The following FRK variants were observed in gnomAD, a reference collection of about 807,000 sequenced individuals.
FRK encodes the protein tyrosine-protein kinase FRK.
In FRK, 51 loss-of-function variants were observed where a neutral mutation model predicts 56.4. The observed-to-expected ratio is 0.90, with a 90% CI of 0.72 to 1.14. The LOEUF (loss-of-function observed/expected upper bound fraction) is 1.14, where lower values mean the gene tolerates loss of function less well. FRK is among the 50% of genes most tolerant of loss of function. The probability of loss-of-function intolerance (pLI) is 0.00; values close to 1 mark genes in which losing one functional copy is unlikely to be tolerated. For synonymous variants in FRK, 245 were observed against 217.9 expected (o/e 1.12, Z -1.10); for missense variants, 570 against 601.4 (o/e 0.95, Z 0.55).
the FRK span, among the ~76,000 whole-genome samples, chr6:116,083,279 G>A: frequency 4.6e-5 from 7 of 152,036 alleles, no homozygotes; most frequent in Admixed American, 3.3e-4. Flanking sequence ...GAATGGGAGC[G>A]AAAACAGATT....
At chr6:115,984,118 C>G (rs1774306101) in intron 2 of FRK, among the ~76,000 whole-genome samples, 1 of 152,104 alleles carries the variant, frequency 6.6e-6, no homozygotes, top group Non-Finnish European at 1.5e-5. Context: ...TGTAAGCGAG[C>G]AGAGTAGCTC....
intron 5 of FRK, 22 bp downstream of exon 5, chr6:115,956,430 T>C: frequency 6.8e-7 from 1 of 1,469,040 alleles, no homozygotes; most frequent in Non-Finnish European, 9.0e-7. Context: ...CTTTTTTTCC[T>C]TGTATTAAGT....
At chr6:116,030,781 G>C (rs1776280656) in intron 1 of FRK, among the ~76,000 whole-genome samples, 1 of 152,014 alleles carries the variant, frequency 6.6e-6, no homozygotes. Flanking sequence ...TGAGTTCTGT[G>C]AGCCATTTGA....
intron 1 of FRK, chr6:116,039,490 C>G (rs1429659029): frequency 1.4e-5 from 21 of 1,495,028 alleles, no homozygotes; most frequent in Non-Finnish European, 1.8e-5. Context: ...CAATGCCAAA[C>G]AATGAGCCCC....
At chr6:115,956,696 C>T (rs1773007577) in intron 4 of FRK, 86 bp from the exon 5 acceptor site, 2 of 1,075,488 alleles carry the variant, frequency 1.9e-6, no homozygotes, top group East Asian at 5.1e-5. Flanking sequence ...TCAAGATTGC[C>T]TCCTGCTTCT....
chr6:116,084,939 G>C, the FRK span, among the ~76,000 whole-genome samples: 1 of 152,248 alleles, frequency 6.6e-6, no homozygotes, highest in East Asian at 1.9e-4. Flanking sequence ...AAGGAAGTGG[G>C]GTTCATTAGA....
intron 1 of FRK, among the ~76,000 whole-genome samples, chr6:116,030,093 T>G (rs893789198): frequency 1.3e-5 from 2 of 152,160 alleles, no homozygotes; most frequent in African/African-American, 4.8e-5. Flanking sequence ...GTATAATCCA[T>G]ATTTGTGTGG....
chr6:115,941,526 G>C lies in FRK; in HGVS notation c.*888C>G, dbSNP rs551856276. The C allele has an allele frequency of 6.6e-6, 1 of 152,096 alleles. No individual in the cohort carries two copies. The highest frequency in any genetic ancestry group is 1.9e-4 in the East Asian group (1 of 5,168). 9.4% of individuals were successfully genotyped at this position (152,096 alleles called of 1,614,324 possible). ...AAAAATAAAAAATAAATAAAACTCT[G>C]ATCTGTAGGCCAAAGGGTACTTCTT... On this transcript the variant is annotated 3_prime_UTR_variant, in exon 8 of 8. Coordinates refer to ENST00000606080, the MANE Select transcript of FRK (RefSeq NM_002031.3).
chr6:116,083,462 G>T, the FRK span, among the ~76,000 whole-genome samples: 1 of 152,188 alleles, frequency 6.6e-6, no homozygotes, highest in African/African-American at 2.4e-5. Flanking sequence ...ATCAGAGGAG[G>T]GGGGAAGCAG....
At chr6:115,995,260 C>A (rs905692694) in intron 2 of FRK, among the ~76,000 whole-genome samples, 4 of 152,034 alleles carry the variant, frequency 2.6e-5, no homozygotes, top group Non-Finnish European at 5.9e-5. Context: ...ATGCTAACTC[C>A]AGCCACTATC....
At chr6:115,956,005 A>G (rs1772970493) in intron 5 of FRK, among the ~76,000 whole-genome samples, 1 of 152,216 alleles carries the variant, frequency 6.6e-6, no homozygotes, top group Non-Finnish European at 1.5e-5. Flanking sequence ...AGCAACAAGT[A>G]CAATGTTGTC....
At chr6:115,992,982 C>T (rs954494882) in intron 2 of FRK, among the ~76,000 whole-genome samples, 14 of 151,686 alleles carry the variant, frequency 9.2e-5, no homozygotes, top group African/African-American at 3.1e-4. Context: ...GGGAGAGATT[C>T]GAGTATGAAC....
intron 2 of FRK, among the ~76,000 whole-genome samples, chr6:115,981,196 G>A (rs565200072): frequency 6.6e-6 from 1 of 152,162 alleles, no homozygotes; most frequent in Non-Finnish European, 1.5e-5. Context: ...AGATTCCTCA[G>A]CAAAGACAAT....
At chr6:116,099,931 T>C in the FRK span, among the ~76,000 whole-genome samples, 1 of 152,256 alleles carries the variant, frequency 6.6e-6, no homozygotes, top group African/African-American at 2.4e-5. Flanking sequence ...AAAGTGCTAG[T>C]CCTTCACATC....
chr6:115,945,112 A>T (rs149078188), intron 5 of FRK, among the ~76,000 whole-genome samples: 6,168 of 152,202 alleles, frequency 0.041, 337 homozygotes, highest in Admixed American at 0.15. Flanking sequence ...CCATTCTACC[A>T]TTGATGGGCA....
At chr6:116,093,294 G>C in the FRK span, among the ~76,000 whole-genome samples, 1 of 149,216 alleles carries the variant, frequency 6.7e-6, no homozygotes, top group South Asian at 2.1e-4. Context: ...CCTTCAAGCT[G>C]TAGGGGGAGG....
At chr6:116,077,827 T>C in the FRK span, among the ~76,000 whole-genome samples, 3 of 152,336 alleles carry the variant, frequency 2.0e-5, no homozygotes, top group South Asian at 6.2e-4. Flanking sequence ...ACAGCAGTTA[T>C]GCAACTGGAT....
At chr6:115,967,436 C>A in intron 4 of FRK, 115 bp downstream of exon 4, 1 of 1,002,216 alleles carries the variant, frequency 1.0e-6, no homozygotes, top group Non-Finnish European at 1.5e-6. Flanking sequence ...AGACAATGAC[C>A]ACAACACCTG....
intron 1 of FRK, among the ~76,000 whole-genome samples, chr6:116,029,818 C>T (rs1021101171): frequency 6.6e-6 from 1 of 152,034 alleles, no homozygotes; most frequent in Non-Finnish European, 1.5e-5. Flanking sequence ...TCTGAAGGTC[C>T]TTTCATTCAT....
Sources: allele counts gnomAD v4.1 joint callset (sites outside exome capture counted in the v4.1 genomes callset), GRCh38; gene constraint gnomAD v4.1.1; transcripts MANE v1.5; gene names NCBI Gene and HGNC (gene_info 2026-07-23, HGNC 2026-07-21).